Variants in TULP4 observed in about 807,000 individuals in gnomAD.
The protein encoded by TULP4 is tubby-related protein 4.
TULP4 carries 16 observed loss-of-function variants against 129.0 expected under a neutral mutation model. The observed-to-expected ratio is 0.12, with a 90% CI of 0.08 to 0.19. The LOEUF is 0.19. Ranked by LOEUF, TULP4 falls within the 10% of genes least tolerant of loss-of-function variation. The pLI is 1.00. For missense variants in TULP4, 1,842 were observed against 2,059.1 expected, an observed-to-expected ratio of 0.89 and a Z score of 2.04; for synonymous variants, 998 against 854.0, an observed-to-expected ratio of 1.17 and a Z score of -2.94.
At chr6:158,421,606 A>G (rs1778344218) in intron 2 of TULP4, among the ~76,000 whole-genome samples, 1 of 152,180 alleles carries the variant, frequency 6.6e-6, no homozygotes, top group Non-Finnish European at 1.5e-5. Flanking sequence ...AATGTTTCCT[A>G]TTCAGATTTT....
At chr6:158,308,282 G>GAC, upstream of TULP4, among the ~76,000 whole-genome samples, 1 of 150,216 alleles carries the variant, frequency 6.7e-6, no homozygotes, top group African/African-American at 2.4e-5. Flanking sequence ...ACCCTGAGTG[G>GAC]ACACAGCACA....
intron 1 of TULP4, among the ~76,000 whole-genome samples, chr6:158,250,921 C>A (rs1778128671): frequency 6.6e-6 from 1 of 152,190 alleles, no homozygotes. Context: ...TGACTTCCCC[C>A]TTTTAATTTT....
intron 1 of TULP4, among the ~76,000 whole-genome samples, chr6:158,307,244 GT>G (rs935065376): frequency 6.6e-6 from 1 of 152,134 alleles, no homozygotes; most frequent in African/African-American, 2.4e-5. Context: ...CTTGCAATAT[GT>G]CGTTTTTGTT....
intron 1 of TULP4, among the ~76,000 whole-genome samples, chr6:158,342,644 C>G (rs1466659435): frequency 6.6e-6 from 1 of 152,088 alleles, no homozygotes; most frequent in Admixed American, 6.6e-5. Flanking sequence ...TGCTCAGTTG[C>G]CTATATTTAC....
chr6:158,242,285 T>G (rs201183567), intron 1 of TULP4: 1 of 1,556,538 alleles, frequency 6.4e-7, no homozygotes. Flanking sequence ...CATGCAGTGT[T>G]TAGCACAGCT....
Position 158,413,287 on chromosome 6 carries a change from G to A in TULP4, c.381+94G>A, listed in dbSNP as rs913309840. The stretch of plus-strand genomic sequence containing the variant: ...AGCCAGTGCGTTAGCACCACACAGC[G>A]CCACGTGCTCCAGAGCTGGGGGAAG... On this transcript the variant is annotated intron_variant, in intron 2 of 13. Coordinates refer to ENST00000367097, the MANE Select transcript of TULP4 (RefSeq NM_020245.5). The surrounding 1 kb of genome is among the most constrained non-coding windows in gnomAD (Gnocchi z 4.9). 2 of 1,388,230 alleles carry A rather than the reference G, an allele frequency of 1.4e-6. No individual in the cohort carries two copies. Among genetic ancestry groups the A allele is most frequent in the South Asian group, 1.6e-5 (1 of 62,926 alleles). The allele number at this position is 1,388,230 out of a possible 1,614,324, so 86.0% of individuals were successfully genotyped here. A position where few individuals can be genotyped will look rare whatever the true frequency, so the allele number is the denominator to read the frequency against.
intron 1 of TULP4, among the ~76,000 whole-genome samples, chr6:158,303,402 T>C (rs537377472): frequency 6.6e-6 from 1 of 152,144 alleles, no homozygotes; most frequent in African/African-American, 2.4e-5. Flanking sequence ...AAGTTTTTAT[T>C]AAGGATTTCA....
rs542834032 is a variant in TULP4, at chr6:158,316,466, G to T, written c.252+2198G>T. On this transcript the variant is annotated intron_variant, in intron 1 of 13. Transcript: ENST00000367097. The stretch of plus-strand genomic sequence containing the variant: ...TTATGAAGAGGCTTCTTTTGAATTT[G>T]AACTTTTTCCATTAAAAACAGTGGT... Among the ~76,000 whole-genome samples the T allele has an allele frequency of 4.6e-5, 7 of 152,134 alleles. No individual in the cohort carries two copies. The East Asian group carries it at 1.4e-3, about 29-fold the overall frequency.
At chr6:158,415,349 CT>C (rs561619354) in intron 2 of TULP4, among the ~76,000 whole-genome samples, 7,013 of 130,450 alleles carry the variant, frequency 0.054, 124 homozygotes, top group Non-Finnish European at 0.078. Context: ...GAGTGTGCTT[CT>C]TTTTTTTTTT....
intron 6 of TULP4, among the ~76,000 whole-genome samples, chr6:158,468,547 T>C (rs1195404192): frequency 1.3e-5 from 2 of 152,252 alleles, no homozygotes; most frequent in Non-Finnish European, 2.9e-5. Context: ...ACATAATTTC[T>C]TTTAAAAAAA....
At chr6:158,388,334 T>C (rs959340497) in intron 1 of TULP4, among the ~76,000 whole-genome samples, 2 of 133,156 alleles carry the variant, frequency 1.5e-5, no homozygotes, top group Non-Finnish European at 3.2e-5. Flanking sequence ...TTTTTTTTTT[T>C]TTTTTTTTTT....
chr6:158,319,560 C>G (rs553911898), intron 1 of TULP4, among the ~76,000 whole-genome samples: 3 of 152,250 alleles, frequency 2.0e-5, no homozygotes, highest in African/African-American at 7.2e-5. Context: ...GGGGTCAGAT[C>G]TAGTCGTCTG....
intron 1 of TULP4, among the ~76,000 whole-genome samples, chr6:158,301,041 G>A (rs1779122049): frequency 6.6e-6 from 1 of 152,200 alleles, no homozygotes; most frequent in Non-Finnish European, 1.5e-5. Flanking sequence ...AATATAGAAA[G>A]GGTGTCTACG....
intron 1 of TULP4, among the ~76,000 whole-genome samples, chr6:158,283,261 A>G (rs1042444722): frequency 5.9e-5 from 9 of 152,186 alleles, no homozygotes; most frequent in Admixed American, 3.3e-4. Flanking sequence ...AACTATTAAT[A>G]TCTTCCATAA....
In TULP4 at chr6:158,388,316, GTTTTTCTTT is replaced by G. The variant is rs1554286511; in HGVS notation, c.253-24743_253-24735del. 4.3e-5 allele frequency among the ~76,000 whole-genome samples: 4 copies of G among 92,822 alleles called. 1 individual carries two copies. The highest frequency in any genetic ancestry group is 7.3e-4 in the South Asian group (2 of 2,744). The allele number at this position is 92,822 out of a possible 152,430, so 60.9% of individuals were successfully genotyped here. A position where few individuals can be genotyped will look rare whatever the true frequency, so the allele number is the denominator to read the frequency against. On this transcript the variant is annotated intron_variant, in intron 1 of 13. Coordinates refer to ENST00000367097, the MANE Select transcript of TULP4 (RefSeq NM_020245.5). ...TTGTTTAAAGAAAAATAATCTGCTCGTTTTTCTTTTTTTTTTTTTTTTTTTTTTTTTGAG... is the reference window on the plus strand; with the variant it reads ...TTGTTTAAAGAAAAATAATCTGCTCGTTTTTTTTTTTTTTTTTTTTTTGAG...
chr6:158,239,694 C>T (rs1295699097), intron 1 of TULP4, among the ~76,000 whole-genome samples: 17 of 67,228 alleles, frequency 2.5e-4, no homozygotes, highest in African/African-American at 8.3e-4. Context: ...AGGGGCTCCT[C>T]ACTTCCCAGT....
chr6:158,302,542 G>A (rs1344135609), intron 1 of TULP4, among the ~76,000 whole-genome samples: 1 of 152,138 alleles, frequency 6.6e-6, no homozygotes, highest in Non-Finnish European at 1.5e-5. Context: ...AGTTGTAACT[G>A]TTTAGCAACC....
At chr6:158,275,674 A>T (rs575139894) in intron 1 of TULP4, among the ~76,000 whole-genome samples, 4 of 152,228 alleles carry the variant, frequency 2.6e-5, no homozygotes, top group Admixed American at 6.5e-5. Flanking sequence ...CAGACCTGTC[A>T]GCATGGAGCC....
intron 1 of TULP4, among the ~76,000 whole-genome samples, chr6:158,269,728 T>C (rs1187175342): frequency 1.3e-5 from 2 of 152,254 alleles, no homozygotes; most frequent in Non-Finnish European, 2.9e-5. Context: ...TGTCCAACAT[T>C]TATTTAGCAC....
Sources: allele counts gnomAD v4.1 joint callset (sites outside exome capture counted in the v4.1 genomes callset), GRCh38; gene constraint gnomAD v4.1.1; non-coding constraint Gnocchi (gnomAD v3.1); transcripts MANE v1.5; gene names NCBI Gene and HGNC (gene_info 2026-07-23, HGNC 2026-07-21).